ANKS1B: variants seen among roughly 807,000 people sequenced by gnomAD.
The protein encoded by ANKS1B is ankyrin repeat and sterile alpha motif domain-containing protein 1B.
ANKS1B carries 36 observed loss-of-function variants against 148.3 expected under a neutral mutation model. That is an observed-to-expected ratio of 0.24 (90% CI 0.19 to 0.32). The LOEUF is 0.32. ANKS1B is among the 10% of genes least tolerant of loss of function. ANKS1B has a pLI of 1.00. For missense variants in ANKS1B, 1,157 were observed against 1,542.6 expected, an observed-to-expected ratio of 0.75 and a Z score of 4.19; for synonymous variants, 542 against 560.8, an observed-to-expected ratio of 0.97 and a Z score of 0.47.
chr12:99,768,315 A>G (rs2062845521), intron 8 of ANKS1B, among the ~76,000 whole-genome samples: 2 of 152,210 alleles, frequency 1.3e-5, no homozygotes, highest in African/African-American at 4.8e-5. Flanking sequence ...TAATAGTCCA[A>G]TATAACATAG....
chr12:99,051,570 GA>G (rs1312184459), intron 17 of ANKS1B, among the ~76,000 whole-genome samples: 1 of 152,160 alleles, frequency 6.6e-6, no homozygotes, highest in Admixed American at 6.5e-5. Context: ...ACAGAGAATT[GA>G]AATCTTAGCC....
chr12:99,834,218 T>TA (rs1344097443), intron 1 of ANKS1B, among the ~76,000 whole-genome samples: 1 of 152,184 alleles, frequency 6.6e-6, no homozygotes, highest in Non-Finnish European at 1.5e-5. Flanking sequence ...TTGATTAACT[T>TA]AAGCTTGTTT....
At chr12:99,840,237 T>C (rs936310092) in intron 1 of ANKS1B, among the ~76,000 whole-genome samples, 2 of 152,004 alleles carry the variant, frequency 1.3e-5, no homozygotes, top group African/African-American at 2.4e-5. Flanking sequence ...GAAGAACATT[T>C]TAGGAAGAAA....
chr12:98,846,841 A>G (rs187840498), intron 17 of ANKS1B, among the ~76,000 whole-genome samples: 1 of 152,396 alleles, frequency 6.6e-6, no homozygotes, highest in East Asian at 1.9e-4. Flanking sequence ...CTTTGGAATG[A>G]CAGTTATCAA....
At chr12:99,118,276 G>T (rs2061893805) in intron 15 of ANKS1B, among the ~76,000 whole-genome samples, 1 of 152,120 alleles carries the variant, frequency 6.6e-6, no homozygotes. Flanking sequence ...AATAAATTGG[G>T]TTTGGATTAT....
chr12:99,737,725 T>G (rs1056989311), intron 8 of ANKS1B, among the ~76,000 whole-genome samples: 1 of 152,064 alleles, frequency 6.6e-6, no homozygotes, highest in Admixed American at 6.6e-5. Context: ...CATCACTTTT[T>G]CCTATTTCCC....
At chr12:98,883,592 C>T (rs950245769) in intron 17 of ANKS1B, among the ~76,000 whole-genome samples, 6 of 152,148 alleles carry the variant, frequency 3.9e-5, no homozygotes, top group Non-Finnish European at 8.8e-5. Flanking sequence ...AATGCAGGGA[C>T]ACAATTCAAG....
chr12:99,847,069 T>C (rs536125725), intron 1 of ANKS1B, among the ~76,000 whole-genome samples: 1 of 152,112 alleles, frequency 6.6e-6, no homozygotes, highest in South Asian at 2.1e-4. Context: ...TGAAGGACAG[T>C]GGCAGGGCCT....
intron 14 of ANKS1B, among the ~76,000 whole-genome samples, chr12:99,180,399 T>C (rs1428162328): frequency 6.6e-6 from 1 of 152,230 alleles, no homozygotes; most frequent in Non-Finnish European, 1.5e-5. Flanking sequence ...AAACAGATAT[T>C]CTAAATAAAT....
intron 9 of ANKS1B, among the ~76,000 whole-genome samples, chr12:99,542,833 G>A (rs533641555): frequency 1.3e-5 from 2 of 152,096 alleles, no homozygotes; most frequent in South Asian, 4.1e-4. Flanking sequence ...GTACAAAAAT[G>A]AACTCAAAAT....
intron 11 of ANKS1B, 21 bp from the exon 12 acceptor site, chr12:99,399,832 G>A (rs1273909245): frequency 8.7e-6 from 14 of 1,611,080 alleles, no homozygotes; most frequent in Middle Eastern, 3.3e-4. Context: ...TGAGCATGAC[G>A]AGAGTATTAA....
rs1219596447 is a variant in ANKS1B at position 99,631,945 on chromosome 12, G to A, written c.1272+23122C>T. ...AAAAGAGATTACTACACACAAAAGG[G>A]AGCCAGGTGCTATTCCTCAAGAAAA... On this transcript the variant is annotated intron_variant, in intron 9 of 26. Transcript: ENST00000683438. Among the ~76,000 whole-genome samples the A allele has an allele frequency of 3.9e-5, 6 of 152,140 alleles. No individual in the cohort carries two copies. In the South Asian group the frequency reaches 1.2e-3, roughly 32 times the overall value.
chr12:99,158,512 C>T (rs2076310009), intron 14 of ANKS1B, among the ~76,000 whole-genome samples: 1 of 152,100 alleles, frequency 6.6e-6, no homozygotes, highest in African/African-American at 2.4e-5. Flanking sequence ...CCCATAATGG[C>T]AGTGTGAGGA....
intron 1 of ANKS1B, among the ~76,000 whole-genome samples, chr12:99,896,218 G>A (rs531132278): frequency 3.0e-4 from 46 of 151,016 alleles, no homozygotes; most frequent in South Asian, 2.9e-3. Context: ...TTATACTCTC[G>A]TTGACCTCCA....
At chr12:99,721,564 AC>A (rs1298788817) in intron 8 of ANKS1B, among the ~76,000 whole-genome samples, 22 of 151,754 alleles carry the variant, frequency 1.4e-4, no homozygotes, top group Non-Finnish European at 2.7e-4. Context: ...CCAGAGAACA[AC>A]CCCCCTTTGA....
At chr12:99,123,440 C>G (rs1048211462) in intron 15 of ANKS1B, among the ~76,000 whole-genome samples, 2 of 152,038 alleles carry the variant, frequency 1.3e-5, no homozygotes, top group Non-Finnish European at 2.9e-5. Context: ...TCAGGGTTCT[C>G]TAAAGGGACA....
intron 14 of ANKS1B, among the ~76,000 whole-genome samples, chr12:99,233,810 A>AC (rs2087323321): frequency 6.6e-6 from 1 of 152,128 alleles, no homozygotes; most frequent in Non-Finnish European, 1.5e-5. Context: ...AAACTAGTTG[A>AC]TGACCCATAG....
chr12:98,967,143 G>A (rs1487926314), intron 17 of ANKS1B, among the ~76,000 whole-genome samples: 1 of 152,166 alleles, frequency 6.6e-6, no homozygotes, highest in African/African-American at 2.4e-5. Context: ...TGTTCAGGGT[G>A]CTTTGACAAT....
chr12:98,858,492 G>A (rs1279742240), intron 17 of ANKS1B, among the ~76,000 whole-genome samples: 1 of 152,118 alleles, frequency 6.6e-6, no homozygotes, highest in Non-Finnish European at 1.5e-5. Context: ...ACAGGCCCAT[G>A]CTACCATGCC....
Sources: gnomAD v4.1 joint callset for allele counts (sites outside exome capture counted in the v4.1 genomes callset) on GRCh38, gnomAD v4.1.1 for gene constraint, MANE v1.5 for transcripts, NCBI Gene and HGNC (gene_info 2026-07-23, HGNC 2026-07-21) for gene names.